Variants in LIN7A observed in about 807,000 individuals in gnomAD.
The protein encoded by LIN7A is protein lin-7 homolog A.
In LIN7A, 25 loss-of-function variants were observed where a neutral mutation model predicts 29.8. The observed-to-expected ratio is 0.84, with a 90% CI of 0.61 to 1.17. LIN7A has a LOEUF of 1.17. LIN7A is among the 50% of genes most tolerant of loss of function. The probability of loss-of-function intolerance (pLI) is 0.00; values close to 1 mark genes in which losing one functional copy is unlikely to be tolerated. For synonymous variants in LIN7A, 118 were observed against 107.5 expected (o/e 1.10, Z -0.60); for missense variants, 239 against 287.0 (o/e 0.83, Z 1.21).
chr12:80,917,697 C>T lies in LIN7A; in HGVS notation c.82+19944G>A, dbSNP rs1213522983. Among the ~76,000 whole-genome samples, 4 of 152,054 alleles carry T rather than the reference C, an allele frequency of 2.6e-5. 1 individual carries two copies. The highest frequency in any genetic ancestry group is 5.9e-5 in the Non-Finnish European group (4 of 68,026). ...TTATAGTTTCTATTCTTTCACAATA[C>T]ATACTTTTAATAATTATAAATATGC... On this transcript the variant is annotated intron_variant, in intron 1 of 5. Transcript: ENST00000552864.
chr12:80,848,002 T>G, intron 3 of LIN7A: 1 of 583,988 alleles, frequency 1.7e-6, no homozygotes, highest in Non-Finnish European at 3.1e-6. Flanking sequence ...TAGATTTGCT[T>G]GTGCCAAATG....
rs766969818 is a variant in LIN7A at position 80,889,378 on chromosome 12, A to G, written c.83-9T>C. ...AATTGCTCTTGCAACATCTGAATGAAAAAAAATGAAAATAGAGAAACCTAG... is the reference window on the plus strand; with the variant it reads ...AATTGCTCTTGCAACATCTGAATGAGAAAAAATGAAAATAGAGAAACCTAG... On this transcript the variant is annotated splice_polypyrimidine_tract_variant and intron_variant, in intron 1 of 5. Transcript: ENST00000552864. The G allele has an allele frequency of 6.8e-7, 1 of 1,477,596 alleles. No individual in the cohort carries two copies. The highest frequency in any genetic ancestry group is 9.4e-7 in the Non-Finnish European group (1 of 1,058,348). 91.5% of individuals were successfully genotyped at this position (1,477,596 alleles called of 1,614,324 possible).
At chr12:80,848,680 A>G (rs1873191299) in intron 2 of LIN7A, among the ~76,000 whole-genome samples, 1 of 152,166 alleles carries the variant, frequency 6.6e-6, no homozygotes, top group Non-Finnish European at 1.5e-5. Flanking sequence ...TTTGGAAAAA[A>G]GTAACAAGGT....
chr12:80,928,666 T>C (rs1180046701), intron 1 of LIN7A, among the ~76,000 whole-genome samples: 1 of 152,220 alleles, frequency 6.6e-6, no homozygotes, highest in African/African-American at 2.4e-5. Context: ...GATGATAGTT[T>C]CTTTTGCTGT....
chr12:80,865,666 T>C (rs1051163948), intron 2 of LIN7A, among the ~76,000 whole-genome samples: 2 of 152,162 alleles, frequency 1.3e-5, no homozygotes, highest in Non-Finnish European at 2.9e-5. Flanking sequence ...CAGTGCATAG[T>C]GTTTTATGTG....
intron 1 of LIN7A, among the ~76,000 whole-genome samples, chr12:80,926,756 C>T (rs933137027): frequency 6.6e-6 from 1 of 151,720 alleles, no homozygotes; most frequent in Admixed American, 6.6e-5. Context: ...GGTGAAACCC[C>T]GTCTCTACTA....
intron 1 of LIN7A, among the ~76,000 whole-genome samples, chr12:80,913,075 G>T (rs1334211061): frequency 6.6e-6 from 1 of 152,102 alleles, no homozygotes; most frequent in African/African-American, 2.4e-5. Context: ...CAGTATAAAG[G>T]TGACCATCTG....
chr12:80,925,308 G>A (rs1184555581), intron 1 of LIN7A, among the ~76,000 whole-genome samples: 1 of 152,186 alleles, frequency 6.6e-6, no homozygotes, highest in Non-Finnish European at 1.5e-5. Flanking sequence ...GGCAAATTAG[G>A]TGAGTATACA....
At chr12:80,799,058 A>T (rs1240043669) in intron 5 of LIN7A, among the ~76,000 whole-genome samples, 1 of 152,120 alleles carries the variant, frequency 6.6e-6, no homozygotes, top group Non-Finnish European at 1.5e-5. Flanking sequence ...AATGAATTAA[A>T]TGATAATATA....
At chr12:80,870,670 GGGGTA>G (rs1418381725) in intron 2 of LIN7A, among the ~76,000 whole-genome samples, 1 of 152,194 alleles carries the variant, frequency 6.6e-6, no homozygotes, top group Non-Finnish European at 1.5e-5. Context: ...AGACCACAAA[GGGGTA>G]GACAAAGTCT....
intron 1 of LIN7A, among the ~76,000 whole-genome samples, chr12:80,894,935 C>T (rs1376733307): frequency 1.3e-5 from 2 of 152,162 alleles, no homozygotes; most frequent in African/African-American, 4.8e-5. Flanking sequence ...AAGCTATACA[C>T]CTAACAAATG....
At chr12:80,935,731 T>C in intron 1 of LIN7A, 1 of 472,882 alleles carries the variant, frequency 2.1e-6, no homozygotes, top group Admixed American at 2.0e-5. Flanking sequence ...TGCTGATGAA[T>C]TTTTTCAGAC....
At chr12:80,816,070 T>C (rs1223456385) in intron 4 of LIN7A, among the ~76,000 whole-genome samples, 1 of 152,316 alleles carries the variant, frequency 6.6e-6, no homozygotes, top group East Asian at 1.9e-4. Flanking sequence ...AAAATGCTTC[T>C]ATCTTTAGCT....
At chr12:80,835,781 C>A (rs1156823688) in intron 4 of LIN7A, among the ~76,000 whole-genome samples, 3 of 151,956 alleles carry the variant, frequency 2.0e-5, no homozygotes, top group East Asian at 1.9e-4. Flanking sequence ...GTTAGAATAA[C>A]CTTAACTCCT....
chr12:80,816,343 C>T (rs1225962855), intron 4 of LIN7A, among the ~76,000 whole-genome samples: 1 of 151,432 alleles, frequency 6.6e-6, no homozygotes, highest in South Asian at 2.1e-4. Context: ...CCCAGGAGGT[C>T]GGGGCTGTGG....
chr12:80,878,252 A>C (rs1245710720), intron 2 of LIN7A, among the ~76,000 whole-genome samples: 1 of 152,208 alleles, frequency 6.6e-6, no homozygotes, highest in Non-Finnish European at 1.5e-5. Flanking sequence ...TGACAAGTTG[A>C]TGTTACAAAC....
chr12:80,804,858 T>A (rs144247159), intron 5 of LIN7A, among the ~76,000 whole-genome samples: 3 of 152,206 alleles, frequency 2.0e-5, no homozygotes, highest in African/African-American at 7.2e-5. Flanking sequence ...CTGGCATGAA[T>A]CTCATTCTCT....
chr12:80,878,004 AT>A (rs1172567464), intron 2 of LIN7A, among the ~76,000 whole-genome samples: 2 of 152,216 alleles, frequency 1.3e-5, no homozygotes, highest in African/African-American at 4.8e-5. Context: ...GGACTCTATT[AT>A]TTTGAACTAC....
chr12:80,937,532 C>T, intron 1 of LIN7A, 109 bp downstream of exon 1: 1 of 722,024 alleles, frequency 1.4e-6, no homozygotes, highest in Non-Finnish European at 2.1e-6. Context: ...TCCTCGTTCC[C>T]CTTCTCCTCC....
Sources: allele counts gnomAD v4.1 joint callset (sites outside exome capture counted in the v4.1 genomes callset), GRCh38; gene constraint gnomAD v4.1.1; transcripts MANE v1.5; gene names NCBI Gene and HGNC (gene_info 2026-07-23, HGNC 2026-07-21).